FAM114A1: variants seen among roughly 807,000 people sequenced by gnomAD.
The protein encoded by FAM114A1 is family with sequence similarity 114 member A1.
Under a neutral mutation model 64.3 loss-of-function variants are expected in FAM114A1, and 62 were observed. That is an observed-to-expected ratio of 0.96 (90% CI 0.79 to 1.19). The LOEUF (loss-of-function observed/expected upper bound fraction) is 1.19, where lower values mean the gene tolerates loss of function less well. Ranked by LOEUF, FAM114A1 falls within the 50% of genes most tolerant of loss-of-function variation. FAM114A1 has a pLI of 0.00. For missense variants in FAM114A1, 645 were observed against 676.3 expected (o/e 0.95, Z 0.51); for synonymous variants, 254 against 251.1 (o/e 1.01, Z -0.11).
Position 38,943,572 on chromosome 4 carries a change from A to G in FAM114A1, c.*15A>G. 1 of 1,611,254 alleles carries G rather than the reference A, an allele frequency of 6.2e-7. No individual in the cohort carries two copies. The highest frequency in any genetic ancestry group is 8.5e-7 in the Non-Finnish European group (1 of 1,177,756). On this transcript the variant is annotated 3_prime_UTR_variant, in exon 15 of 15. Transcript: ENST00000358869. Reference sequence around the variant, plus strand: ...CACAGCCGTGACCTGGCCAGACTCCATCTAGTTAAAGGAGACAGCTGGCCG... The same window carrying G: ...CACAGCCGTGACCTGGCCAGACTCCGTCTAGTTAAAGGAGACAGCTGGCCG...
At chr4:38,876,169 C>CTTTTTTTT (rs1163508013) in intron 2 of FAM114A1, among the ~76,000 whole-genome samples, 52 of 69,078 alleles carry the variant, frequency 7.5e-4, no homozygotes, top group South Asian at 1.5e-3. Flanking sequence ...ATTCTTTTTT[C>CTTTTTTTT]TTTTTTTTTT....
At chr4:38,939,886 CTTTT>C (rs545845095) in intron 13 of FAM114A1, among the ~76,000 whole-genome samples, 38 of 131,620 alleles carry the variant, frequency 2.9e-4, no homozygotes, top group Admixed American at 5.3e-4. Flanking sequence ...CACTTTCTTT[CTTTT>C]TTTTTTTTTT....
At chr4:38,935,683 A>T in intron 12 of FAM114A1, 35 bp from the exon 13 acceptor site, 1 of 1,488,306 alleles carries the variant, frequency 6.7e-7, no homozygotes, top group Non-Finnish European at 9.2e-7. Flanking sequence ...TACCTTATTG[A>T]AAACATCCAA....
chr4:38,919,707 C>T (rs769827755), intron 8 of FAM114A1, among the ~76,000 whole-genome samples: 26 of 152,164 alleles, frequency 1.7e-4, no homozygotes, highest in Non-Finnish European at 3.2e-4. Flanking sequence ...AGAGAGGACA[C>T]TCCCATGTTT....
At chr4:38,884,721 T>G (rs540177904) in intron 3 of FAM114A1, among the ~76,000 whole-genome samples, 1 of 152,284 alleles carries the variant, frequency 6.6e-6, no homozygotes, top group East Asian at 1.9e-4. Context: ...CTTGAGAACA[T>G]CCCATTGTTT....
chr4:38,937,881 C>T (rs1721243791), intron 13 of FAM114A1, among the ~76,000 whole-genome samples: 2 of 152,112 alleles, frequency 1.3e-5, no homozygotes, highest in East Asian at 1.9e-4. Context: ...ATTACAGGTG[C>T]GGGCCACCAC....
chr4:38,905,465 G>T lies in FAM114A1; in HGVS notation c.437-57G>T. The T allele has an allele frequency of 2.4e-6, 3 of 1,239,684 alleles. 1 individual carries two copies. The highest frequency in any genetic ancestry group is 3.5e-6 in the Non-Finnish European group (3 of 858,590). The allele number at this position is 1,239,684 out of a possible 1,614,324, so 76.8% of individuals were successfully genotyped here. A position where few individuals can be genotyped will look rare whatever the true frequency, so the allele number is the denominator to read the frequency against. On this transcript the variant is annotated intron_variant, in intron 4 of 14. Coordinates refer to ENST00000358869, the MANE Select transcript of FAM114A1 (RefSeq NM_138389.4). ...AACAGCTTTGTAAGATTTGGTGGAG[G>T]ATTTGCAGACCGTGGATTTCTAATG...
At position 38,901,287 on chromosome 4, in the gene FAM114A1, G is replaced by GT. The variant is rs796954819; in HGVS notation, c.437-4225dup. On this transcript the variant is annotated intron_variant, in intron 4 of 14. Coordinates refer to ENST00000358869, the MANE Select transcript of FAM114A1 (RefSeq NM_138389.4). ...AGAGAACTTCCCAGCATATTCTCTT[G>GT]TTTTTTTTTTGAGCTGGAGTCCTAG... is the stretch of plus-strand genomic sequence containing the variant. Among the ~76,000 whole-genome samples, 536 of 146,980 alleles carry GT rather than the reference G, an allele frequency of 3.6e-3. 2 individuals are homozygous for GT. The highest frequency in any genetic ancestry group is 0.012 in the African/African-American group (491 of 40,150).
chr4:38,872,705 G>T (rs1011407311), intron 2 of FAM114A1, among the ~76,000 whole-genome samples: 2 of 152,214 alleles, frequency 1.3e-5, no homozygotes, highest in African/African-American at 4.8e-5. Context: ...CAAAGTCCTA[G>T]GCCATGGGTA....
Position 38,945,633 on chromosome 4 carries a change from T to C in FAM114A1, c.*2076T>C, listed in dbSNP as rs1439365029. 6.6e-6 allele frequency: 1 copy of C among 152,260 alleles called. No homozygotes were observed. Among genetic ancestry groups the C allele is most frequent in the African/African-American group, 2.4e-5 (1 of 41,466 alleles). The allele number at this position is 152,260 out of a possible 1,614,324, so 9.4% of individuals were successfully genotyped here. ...GCATTTCATTTGTCTATGTACTGTA[T>C]TTCATTTGTATGTCTCCTGAAACAT... On this transcript the variant is annotated 3_prime_UTR_variant, in exon 15 of 15. Transcript: ENST00000358869.
rs181329924 is a variant in FAM114A1 at position 38,945,597 on chromosome 4, A to T, written c.*2040A>T. 16 of 152,360 alleles carry T rather than the reference A, an allele frequency of 1.1e-4. No individual in the cohort carries two copies. The highest frequency in any genetic ancestry group is 3.4e-4 in the African/African-American group (14 of 41,594). 9.4% of individuals were successfully genotyped at this position (152,360 alleles called of 1,614,324 possible). On this transcript the variant is annotated 3_prime_UTR_variant, in exon 15 of 15. Transcript: ENST00000358869. ...AGTAAGGATATTTTAATATCATCCTACTTCTTATTAGCATTTCATTTGTCT... is the reference window on the plus strand; with the variant it reads ...AGTAAGGATATTTTAATATCATCCTTCTTCTTATTAGCATTTCATTTGTCT...
chr4:38,889,308 T>C (rs958705139), intron 3 of FAM114A1, among the ~76,000 whole-genome samples: 4 of 152,144 alleles, frequency 2.6e-5, no homozygotes, highest in African/African-American at 9.7e-5. Flanking sequence ...AGTAAATCAA[T>C]GTAGACACCA....
chr4:38,886,642 C>A (rs1715834806), intron 3 of FAM114A1, among the ~76,000 whole-genome samples: 1 of 151,668 alleles, frequency 6.6e-6, no homozygotes, highest in East Asian at 1.9e-4. Flanking sequence ...AGAAATGTAG[C>A]CTGGGCCGGG....
chr4:38,888,343 T>A (rs983127794), intron 3 of FAM114A1, among the ~76,000 whole-genome samples: 7 of 151,948 alleles, frequency 4.6e-5, no homozygotes, highest in Admixed American at 2.0e-4. Flanking sequence ...CATAGTGAGA[T>A]CCTGTCTCTA....
At chr4:38,908,089 C>A (rs1183675116) in intron 6 of FAM114A1, among the ~76,000 whole-genome samples, 1 of 152,068 alleles carries the variant, frequency 6.6e-6, no homozygotes, top group Non-Finnish European at 1.5e-5. Context: ...TCTGAAACAG[C>A]CTGAGGGTCT....
intron 9 of FAM114A1, among the ~76,000 whole-genome samples, chr4:38,926,081 C>T (rs918540719): frequency 6.6e-6 from 1 of 152,162 alleles, no homozygotes; most frequent in African/African-American, 2.4e-5. Flanking sequence ...ACGTTTGTTG[C>T]AGTATTTGGT....
At chr4:38,930,653 G>T (rs996521557) in intron 10 of FAM114A1, among the ~76,000 whole-genome samples, 3 of 152,154 alleles carry the variant, frequency 2.0e-5, no homozygotes, top group Non-Finnish European at 2.9e-5. Context: ...TAACTTTGGC[G>T]TGTAAGATTT....
chr4:38,933,682 G>A (rs1405132855), intron 12 of FAM114A1, among the ~76,000 whole-genome samples: 1 of 152,110 alleles, frequency 6.6e-6, no homozygotes, highest in African/African-American at 2.4e-5. Context: ...TGAAAAATAA[G>A]CCTTTAACTT....
intron 2 of FAM114A1, among the ~76,000 whole-genome samples, chr4:38,876,381 G>T (rs976284880): frequency 4.6e-5 from 7 of 151,852 alleles, no homozygotes; most frequent in African/African-American, 1.7e-4. Flanking sequence ...TGTTGGCCTT[G>T]GCTGGTCTTG....
Sources: allele counts gnomAD v4.1 joint callset (sites outside exome capture counted in the v4.1 genomes callset), GRCh38; gene constraint gnomAD v4.1.1; transcripts MANE v1.5; gene names NCBI Gene and HGNC (gene_info 2026-07-23, HGNC 2026-07-21).